Variants in FOXP2 observed in about 807,000 individuals in gnomAD.
FOXP2 encodes the protein forkhead box P2.
FOXP2 carries 12 observed loss-of-function variants against 115.8 expected under a neutral mutation model. The observed-to-expected ratio is 0.10, with a 90% CI of 0.07 to 0.17. The LOEUF is 0.17. Among genes scored for constraint, FOXP2 ranks in the 10% least tolerant of loss-of-function variants. The pLI, the probability that FOXP2 is intolerant of heterozygous loss-of-function variation, is 1.00. For missense variants in FOXP2, 629 were observed against 843.5 expected (o/e 0.75, Z 3.15); for synonymous variants, 328 against 297.7 (o/e 1.10, Z -1.05).
chr7:114,297,072 A>G, intron 2 of FOXP2: 1 of 399,528 alleles, frequency 2.5e-6, no homozygotes. Context: ...TTTTCCTGTC[A>G]AGCTGCCCTT....
At chr7:114,143,376 G>T (rs1041680913) in intron 1 of FOXP2, among the ~76,000 whole-genome samples, 2 of 151,818 alleles carry the variant, frequency 1.3e-5, no homozygotes, top group South Asian at 2.1e-4. Context: ...TTCATAATTT[G>T]CCCTTGCTCC....
intron 2 of FOXP2, among the ~76,000 whole-genome samples, chr7:114,405,613 G>A (rs1793016790): frequency 6.6e-6 from 1 of 151,854 alleles, no homozygotes; most frequent in Admixed American, 6.6e-5. Context: ...TTGGTAACAG[G>A]TAAAAGATGT....
Position 114,658,207 on chromosome 7 carries a change from C to T in FOXP2, c.1408C>T (p.Pro470Ser), listed in dbSNP as rs1290752827. The T allele has an allele frequency of 6.2e-7, 1 of 1,613,808 alleles. No individual in the cohort carries two copies. Among genetic ancestry groups the T allele is most frequent in the Middle Eastern group, 1.6e-4 (1 of 6,062 alleles). The change falls in exon 11 of 17, where the codon CCC becomes TCC. Residue 470 changes from proline to serine, a missense_variant. Transcript: ENST00000350908. ...CTCAGTAATCACCCCAGCCAGTGTG[C>T]CCAATGTGGGAGCCATACGAAGGCG... ...GPSVITPASVPNVGAIRRRHS... is the reference protein window; with the variant it reads ...GPSVITPASVSNVGAIRRRHS...
intron 3 of FOXP2, among the ~76,000 whole-genome samples, chr7:114,562,325 T>C (rs941870908): frequency 3.9e-5 from 6 of 152,198 alleles, no homozygotes; most frequent in African/African-American, 1.4e-4. Flanking sequence ...GTTTCACAAG[T>C]CTCTAGACAC....
At chr7:114,634,443 G>A (rs1805102712) in intron 6 of FOXP2, among the ~76,000 whole-genome samples, 1 of 151,820 alleles carries the variant, frequency 6.6e-6, no homozygotes, top group Non-Finnish European at 1.5e-5. Context: ...TAGAATAGCA[G>A]ATTTATCTAC....
At chr7:114,669,437 T>A (rs1807372208) in intron 16 of FOXP2, 1 of 152,046 alleles carries the variant, frequency 6.6e-6, no homozygotes, top group African/African-American at 2.4e-5. Context: ...GAAACATCCA[T>A]GGTATGAATA....
At chr7:114,209,997 T>C (rs1794303494) in intron 1 of FOXP2, among the ~76,000 whole-genome samples, 1 of 152,196 alleles carries the variant, frequency 6.6e-6, no homozygotes, top group Non-Finnish European at 1.5e-5. Context: ...TATGTTCTTC[T>C]CCATACTGGC....
intron 11 of FOXP2, 89 bp from the exon 12 acceptor site, chr7:114,659,267 A>G (rs1806749877): frequency 2.1e-6 from 2 of 960,252 alleles, no homozygotes; most frequent in South Asian, 1.4e-5. Context: ...TCACTGAATC[A>G]CTTTACCAAT....
intron 2 of FOXP2, among the ~76,000 whole-genome samples, chr7:114,485,904 A>G (rs1026326308): frequency 2.6e-5 from 4 of 152,198 alleles, no homozygotes; most frequent in African/African-American, 9.6e-5. Flanking sequence ...CATGTATGGT[A>G]TAACTTCAGA....
intron 2 of FOXP2, among the ~76,000 whole-genome samples, chr7:114,503,985 A>T (rs1303217729): frequency 1.3e-5 from 2 of 151,684 alleles, no homozygotes; most frequent in African/African-American, 4.8e-5. Flanking sequence ...AAAAATGTGG[A>T]CTTAATACAA....
chr7:114,578,705 A>G (rs1396108649), intron 3 of FOXP2, among the ~76,000 whole-genome samples: 3 of 152,098 alleles, frequency 2.0e-5, no homozygotes, highest in Non-Finnish European at 4.4e-5. Context: ...TACTTTTAAA[A>G]TTACCATTCA....
intron 2 of FOXP2, among the ~76,000 whole-genome samples, chr7:114,525,915 C>T (rs1328294982): frequency 6.6e-6 from 1 of 151,776 alleles, no homozygotes; most frequent in Non-Finnish European, 1.5e-5. Context: ...AGTTTCAGAC[C>T]AGCCTGAGCA....
At chr7:114,677,172 CA>C (rs538753120) in intron 16 of FOXP2, among the ~76,000 whole-genome samples, 73 of 52,888 alleles carry the variant, frequency 1.4e-3, no homozygotes, top group Admixed American at 1.9e-3. Context: ...TCTCAAAAAA[CA>C]AAAAAAAAAA....
intron 2 of FOXP2, among the ~76,000 whole-genome samples, chr7:114,305,389 T>A (rs1157078264): frequency 6.6e-6 from 1 of 152,166 alleles, no homozygotes; most frequent in African/African-American, 2.4e-5. Context: ...GAGTATTACA[T>A]CTCCTTTAAG....
chr7:114,611,120 T>G (rs759551134), intron 3 of FOXP2, among the ~76,000 whole-genome samples: 19 of 152,210 alleles, frequency 1.2e-4, no homozygotes, highest in Admixed American at 6.5e-5. Context: ...GGTGGTATCT[T>G]GTTCTATAAT....
intron 2 of FOXP2, among the ~76,000 whole-genome samples, chr7:114,333,056 G>T (rs983738116): frequency 6.6e-6 from 1 of 152,026 alleles, no homozygotes; most frequent in Non-Finnish European, 1.5e-5. Context: ...GAAACAGTCT[G>T]CAAGCCAGTA....
chr7:114,501,875 A>C (rs532011795), intron 2 of FOXP2, among the ~76,000 whole-genome samples: 3 of 152,220 alleles, frequency 2.0e-5, no homozygotes, highest in African/African-American at 7.2e-5. Context: ...ACACATTTAT[A>C]TAACAGTCTT....
intron 1 of FOXP2, among the ~76,000 whole-genome samples, chr7:114,223,522 A>ATG: frequency 1.4e-5 from 2 of 147,506 alleles, no homozygotes; most frequent in East Asian, 2.0e-4. Flanking sequence ...TATATATAAT[A>ATG]TGTATATATA....
intron 7 of FOXP2, among the ~76,000 whole-genome samples, 170 bp downstream of exon 7, chr7:114,642,793 TATATATATATATATATA>T (rs1380242650): frequency 5.7e-5 from 2 of 35,350 alleles, no homozygotes; most frequent in African/African-American, 8.0e-5. Context: ...TATATATATA[TATATATATATATATATA>T]TATTTTTTTT....
Sources: gnomAD v4.1 joint callset for allele counts (sites outside exome capture counted in the v4.1 genomes callset) on GRCh38, gnomAD v4.1.1 for gene constraint, MANE v1.5 for transcripts, NCBI Gene and HGNC (gene_info 2026-07-23, HGNC 2026-07-21) for gene names.